The following PATL2 variants were observed in gnomAD, a reference collection of about 807,000 sequenced individuals.
PATL2 encodes the protein PAT1 homolog 2.
A neutral mutation model predicts 77.0 loss-of-function variants in PATL2; 73 were observed. That is an observed-to-expected ratio of 0.95 (90% confidence interval 0.78 to 1.15). PATL2 has a LOEUF of 1.15. Among genes scored for constraint, PATL2 ranks in the 50% most tolerant of loss-of-function variants. PATL2 has a pLI of 0.00. For missense variants in PATL2, 618 were observed against 655.4 expected, an observed-to-expected ratio of 0.94 and a Z score of 0.62; for synonymous variants, 265 against 257.1, an observed-to-expected ratio of 1.03 and a Z score of -0.29.
chr15:44,689,195 TAA>T (rs2086330193), intron 3 of PATL2, among the ~76,000 whole-genome samples: 2 of 152,168 alleles, frequency 1.3e-5, no homozygotes, highest in African/African-American at 4.8e-5. Flanking sequence ...TGGTGATCAT[TAA>T]AAAGTCAGGA....
At chr15:44,681,437 C>T (rs1384057591) in intron 3 of PATL2, among the ~76,000 whole-genome samples, 1 of 152,190 alleles carries the variant, frequency 6.6e-6, no homozygotes, top group Non-Finnish European at 1.5e-5. Flanking sequence ...CCACAGCTTC[C>T]CAACACTTGT....
intron 9 of PATL2, among the ~76,000 whole-genome samples, chr15:44,671,716 C>T (rs1171649270): frequency 3.3e-5 from 5 of 152,186 alleles, no homozygotes; most frequent in African/African-American, 1.2e-4. Context: ...TCAGCATACA[C>T]AGGTGGGAAA....
Position 44,669,492 on chromosome 15 carries a change from A to C in PATL2, c.930+18T>G, listed in dbSNP as rs902744564. 4 of 1,550,770 alleles carry C rather than the reference A, an allele frequency of 2.6e-6. No homozygotes were observed. Among genetic ancestry groups the C allele is most frequent in the Non-Finnish European group, 3.5e-6 (4 of 1,146,460 alleles). ...AAAGGTAGGTTTGGAACTCGTCCCT[A>C]AGGAACTGATATCTCACCTTCTCAA... On this transcript the variant is annotated intron_variant, in intron 12 of 17. Transcript: ENST00000682850.
chr15:44,675,303 G>T (rs2085897737), intron 5 of PATL2, 183 bp downstream of exon 5: 2 of 671,776 alleles, frequency 3.0e-6, no homozygotes, highest in Admixed American at 3.2e-5. Context: ...CAGAAATGAA[G>T]TGGGAGACAG....
chr15:44,694,423 C>T (rs897812447), intron 3 of PATL2, among the ~76,000 whole-genome samples: 8 of 152,142 alleles, frequency 5.3e-5, no homozygotes, highest in Non-Finnish European at 7.4e-5. Context: ...GAAATAAAAG[C>T]AGTCACAGCT....
intron 3 of PATL2, among the ~76,000 whole-genome samples, chr15:44,697,755 A>T (rs1202543569): frequency 6.6e-6 from 1 of 152,202 alleles, no homozygotes; most frequent in Admixed American, 6.5e-5. Context: ...TTTGGAATCC[A>T]CTAGACCAAG....
At chr15:44,679,757 CTATTT>C (rs2086091571) in intron 3 of PATL2, among the ~76,000 whole-genome samples, 2 of 151,992 alleles carry the variant, frequency 1.3e-5, no homozygotes, top group Admixed American at 1.3e-4. Flanking sequence ...TAGAGTTTGT[CTATTT>C]TATTAGTCTT....
intron 9 of PATL2, 74 bp downstream of exon 9, chr15:44,671,941 G>T: frequency 6.6e-7 from 1 of 1,511,624 alleles, no homozygotes; most frequent in Non-Finnish European, 8.9e-7. Flanking sequence ...CCGAAGAGAG[G>T]ATCAGAGCGG....
intron 3 of PATL2, among the ~76,000 whole-genome samples, chr15:44,677,434 G>C (rs763613643): frequency 6.6e-6 from 1 of 152,180 alleles, no homozygotes. Context: ...AAACACTTTT[G>C]CATGAGATAC....
chr15:44,675,663 A>G lies in PATL2; in HGVS notation c.45T>C (p.Ala15=). The change falls in exon 5 of 18, where the codon GCT becomes GCC. Residue 15 remains alanine (A), a synonymous_variant. Coordinates refer to ENST00000682850, the MANE Select transcript of PATL2 (RefSeq NM_001387263.1). The part of the protein sequence containing the change: ...EGPGKTCGPL[A]SEEELVSACQ... ...AGGCAGACACCAGCTCCTCCTCAGA[A>G]GCCAAGGGGCCACAGGTCTTACCTG... 6.4e-7 allele frequency: 1 copy of G among 1,551,130 alleles called. No homozygotes were observed. The highest frequency in any genetic ancestry group is 8.7e-7 in the Non-Finnish European group (1 of 1,146,652).
intron 3 of PATL2, among the ~76,000 whole-genome samples, chr15:44,698,179 G>T (rs1163159716): frequency 6.6e-6 from 1 of 151,228 alleles, no homozygotes; most frequent in African/African-American, 2.4e-5. Flanking sequence ...TTTGATACAG[G>T]TATAATAATC....
rs144419558 is a variant in PATL2 at position 44,694,982 on chromosome 15, G to A, written c.-76+15114C>T. ...GTCCACCACCCCCTAAAAGCAGTTAGGGACACCATCCTGGCCAACATGGTG... is the reference window on the plus strand; with the variant it reads ...GTCCACCACCCCCTAAAAGCAGTTAAGGACACCATCCTGGCCAACATGGTG... On this transcript the variant is annotated intron_variant, in intron 3 of 17. Transcript: ENST00000682850. Among the ~76,000 whole-genome samples the A allele has an allele frequency of 4.3e-3, 650 of 152,032 alleles. 4 individuals are homozygous for A. Among genetic ancestry groups the A allele is most frequent in the African/African-American group, 0.015 (630 of 41,502 alleles).
chr15:44,682,369 T>C (rs1468398302), intron 3 of PATL2, among the ~76,000 whole-genome samples: 3 of 152,232 alleles, frequency 2.0e-5, no homozygotes, highest in Non-Finnish European at 4.4e-5. Flanking sequence ...TTTTGCTCAT[T>C]GCACCTACCA....
Position 44,691,824 on chromosome 15 carries a change from A to G in PATL2, c.-75-15259T>C, listed in dbSNP as rs1003923787. 6.6e-4 allele frequency among the ~76,000 whole-genome samples: 101 copies of G among 152,072 alleles called. 6 individuals are homozygous for G. The highest frequency in any genetic ancestry group is 2.9e-5 in the Non-Finnish European group (2 of 67,990). On this transcript the variant is annotated intron_variant, in intron 3 of 17. Coordinates refer to ENST00000682850, the MANE Select transcript of PATL2 (RefSeq NM_001387263.1). ...TAAATAGATAAATAAATAAGATACAAAGTAAAACAAGGAGATACAATTGAT... is the reference window on the plus strand; with the variant it reads ...TAAATAGATAAATAAATAAGATACAGAGTAAAACAAGGAGATACAATTGAT...
At chr15:44,678,863 T>C (rs1279033780) in intron 3 of PATL2, among the ~76,000 whole-genome samples, 1 of 152,150 alleles carries the variant, frequency 6.6e-6, no homozygotes, top group East Asian at 1.9e-4. Flanking sequence ...ATGGGGAGAT[T>C]TTTTATCCAT....
chr15:44,709,509 C>T (rs994029601), intron 3 of PATL2, among the ~76,000 whole-genome samples: 1 of 151,918 alleles, frequency 6.6e-6, no homozygotes, highest in Admixed American at 6.6e-5. Flanking sequence ...CAGCAAGACT[C>T]TGTCTCCACA....
At chr15:44,697,098 T>TCTC (rs35372920) in intron 3 of PATL2, among the ~76,000 whole-genome samples, 1 of 151,952 alleles carries the variant, frequency 6.6e-6, no homozygotes, top group Non-Finnish European at 1.5e-5. Context: ...GTTTTAACTA[T>TCTC]CTCCTCCTCC....
rs2085784056 is a variant in PATL2, at chr15:44,673,325, C to A, written c.356G>T (p.Ser119Ile). The A allele has an allele frequency of 2.6e-6, 4 of 1,551,662 alleles. No homozygotes were observed. The highest frequency in any genetic ancestry group is 2.6e-6 in the Non-Finnish European group (3 of 1,146,978). ...IPFWPTFPST[S>I]SPAQHFGPRL... ...AGGTCCAAAGTGCTGTGCTGGAGAG[C>A]TGGTGCTGGGAAATGTAGGCCAGAA... Residue 119 changes from serine to isoleucine, a missense_variant, in exon 7 of 18, where the codon AGC becomes ATC. Physicochemically the swap from Ser to Ile is moderately radical, Grantham distance 142. Coordinates refer to ENST00000682850, the MANE Select transcript of PATL2 (RefSeq NM_001387263.1).
chr15:44,696,534 C>T (rs1296447842), intron 3 of PATL2, among the ~76,000 whole-genome samples: 1 of 152,152 alleles, frequency 6.6e-6, no homozygotes, highest in African/African-American at 2.4e-5. Flanking sequence ...AATTTGGCAT[C>T]TGATAGACTG....
Sources: gnomAD v4.1 joint callset for allele counts (sites outside exome capture counted in the v4.1 genomes callset) on GRCh38, gnomAD v4.1.1 for gene constraint, MANE v1.5 for transcripts, NCBI Gene and HGNC (gene_info 2026-07-23, HGNC 2026-07-21) for gene names.